TIAM2: variants seen among roughly 807,000 people sequenced by gnomAD.
The protein encoded by TIAM2 is rho guanine nucleotide exchange factor TIAM2.
Under a neutral mutation model 152.9 loss-of-function variants are expected in TIAM2, and 80 were observed. That is an observed-to-expected ratio of 0.52 (90% confidence interval 0.44 to 0.63). The LOEUF is 0.63. TIAM2 is among the 30% of genes least tolerant of loss of function. The probability of loss-of-function intolerance (pLI) is 0.00; values close to 1 mark genes in which losing one functional copy is unlikely to be tolerated. For synonymous variants in TIAM2, 804 were observed against 838.0 expected (o/e 0.96, Z 0.70); for missense variants, 1,965 against 2,120.1 (o/e 0.93, Z 1.44).
intron 16 of TIAM2, among the ~76,000 whole-genome samples, chr6:155,243,682 A>G (rs1439646454): frequency 6.6e-6 from 1 of 151,802 alleles, no homozygotes; most frequent in Non-Finnish European, 1.5e-5. Context: ...CCCTGCCCCT[A>G]CTAAAAATAC....
In TIAM2 at chr6:155,008,080, A is replaced by C. The variant is rs74351515; in HGVS notation, c.-209+12588A>C. Among the ~76,000 whole-genome samples, 823 of 152,328 alleles carry C rather than the reference A, an allele frequency of 5.4e-3. 11 individuals carry two copies. Among genetic ancestry groups the C allele is most frequent in the African/African-American group, 0.018 (752 of 41,552 alleles). ...GTACATATGTAATTGTCGACCTTAA[A>C]TAATACATCATATGGCTTTTTCCAT... On this transcript the variant is annotated intron_variant, in intron 1 of 26. Coordinates refer to ENST00000682666, the MANE Select transcript of TIAM2 (RefSeq NM_012454.4).
At chr6:155,157,307 C>T (rs1780144842) in intron 7 of TIAM2, among the ~76,000 whole-genome samples, 1 of 152,164 alleles carries the variant, frequency 6.6e-6, no homozygotes, top group Non-Finnish European at 1.5e-5. Context: ...TGCTCCCCTT[C>T]CTTGTTTTAT....
At chr6:155,250,128 T>C (rs555281888) in intron 21 of TIAM2, among the ~76,000 whole-genome samples, 159 bp downstream of exon 21, 2 of 152,172 alleles carry the variant, frequency 1.3e-5, no homozygotes, top group African/African-American at 4.8e-5. Flanking sequence ...AATTTACATA[T>C]AGACATATCA....
At position 155,254,407 on chromosome 6, in the gene TIAM2, C is replaced by A. The variant is rs773621969; in HGVS notation, c.4314-12C>A. ...TGGACACTTCTGCTGTTTTCTCTCCCCCCCCACCCAGTGACAGTGAAAGCA... is the reference window on the plus strand; with the variant it reads ...TGGACACTTCTGCTGTTTTCTCTCCACCCCCACCCAGTGACAGTGAAAGCA... On this transcript the variant is annotated splice_polypyrimidine_tract_variant and intron_variant, in intron 25 of 26. Coordinates refer to ENST00000682666, the MANE Select transcript of TIAM2 (RefSeq NM_012454.4). 4.3e-6 allele frequency: 7 copies of A among 1,609,896 alleles called. No homozygotes were observed. In the South Asian group the frequency reaches 6.6e-5, roughly 15 times the overall value.
chr6:155,188,987 C>T (rs1007595267), intron 14 of TIAM2, among the ~76,000 whole-genome samples: 1 of 152,112 alleles, frequency 6.6e-6, no homozygotes. Flanking sequence ...GCCTCCACGC[C>T]CCCTTTGAAT....
At chr6:155,164,628 C>T (rs1780371449) in intron 8 of TIAM2, 28 bp downstream of exon 8, 2 of 1,589,508 alleles carry the variant, frequency 1.3e-6, no homozygotes, top group Non-Finnish European at 1.7e-6. Context: ...GCTGTTTCTG[C>T]AGCATTCGGG....
At chr6:155,154,543 A>T (rs1366012259) in intron 7 of TIAM2, among the ~76,000 whole-genome samples, 1 of 152,156 alleles carries the variant, frequency 6.6e-6, no homozygotes, top group Non-Finnish European at 1.5e-5. Context: ...TGAAGTTCCC[A>T]GGGAGGAAGA....
intron 1 of TIAM2, among the ~76,000 whole-genome samples, chr6:154,997,629 ATTTTTTTT>A (rs57280691): frequency 0.024 from 1,522 of 62,170 alleles, 25 homozygotes; most frequent in African/African-American, 0.051. Context: ...GAAAGAATGG[ATTTTTTTT>A]TTTTTTTTTT....
Position 155,256,996 on chromosome 6 carries a change from A to T in TIAM2, c.4981A>T (p.Ser1661Cys). 1.2e-6 allele frequency: 2 copies of T among 1,614,208 alleles called. No individual in the cohort carries two copies. The highest frequency in any genetic ancestry group is 2.2e-5 in the East Asian group (1 of 44,886). ...KAQIRHQSLDSQSENATIDLN... is the reference protein window; with the variant it reads ...KAQIRHQSLDCQSENATIDLN... The stretch of plus-strand genomic sequence containing the variant: ...GCAGATCCGTCACCAGTCCCTTGAC[A>T]GTCAGTCTGAAAATGCCACCATCGA... Residue 1661 changes from serine (S) to cysteine (C), a missense_variant, in exon 27 of 27, where the codon AGT becomes TGT. Ser to Cys is a moderately radical substitution (Grantham distance 112). This residue lies in a region of TIAM2 where 935 missense variants were observed against 980.0 expected (regional missense o/e 0.95). Transcript: ENST00000682666.
intron 26 of TIAM2, 33 bp downstream of exon 26, chr6:155,254,606 C>T (rs369672839): frequency 6.2e-6 from 10 of 1,601,312 alleles, no homozygotes; most frequent in Non-Finnish European, 8.6e-6. Context: ...GTTTATTCAA[C>T]AAAATATTAT....
chr6:155,161,774 C>T lies in TIAM2; in HGVS notation c.2029-2641C>T, dbSNP rs1408499704. Among the ~76,000 whole-genome samples, 4 of 151,000 alleles carry T rather than the reference C, an allele frequency of 2.6e-5. No individual in the cohort carries two copies. In the South Asian group the frequency reaches 6.3e-4, roughly 24 times the overall value. On this transcript the variant is annotated intron_variant, in intron 7 of 26. Coordinates refer to ENST00000682666, the MANE Select transcript of TIAM2 (RefSeq NM_012454.4). ...TGTATTTTTAGTAGAGATGGGGTTTCACCATGTTGGTCAGGCTGGTCTTGA... is the reference window on the plus strand; with the variant it reads ...TGTATTTTTAGTAGAGATGGGGTTTTACCATGTTGGTCAGGCTGGTCTTGA...
At chr6:155,110,318 C>CTTTTTTTTTTTTTTTT (rs67332964) in intron 2 of TIAM2, among the ~76,000 whole-genome samples, 6 of 133,796 alleles carry the variant, frequency 4.5e-5, no homozygotes, top group African/African-American at 1.4e-4. Context: ...TCTTTCTTTT[C>CTTTTTTTTTTTTTTTT]TTTTTTTTTT....
At chr6:155,033,523 G>A (rs1776861579) in intron 1 of TIAM2, among the ~76,000 whole-genome samples, 1 of 152,026 alleles carries the variant, frequency 6.6e-6, no homozygotes, top group Non-Finnish European at 1.5e-5. Flanking sequence ...TAAAACTCAA[G>A]AATAGAAAGG....
At chr6:155,003,012 T>C (rs919610817) in intron 1 of TIAM2, among the ~76,000 whole-genome samples, 1 of 152,248 alleles carries the variant, frequency 6.6e-6, no homozygotes. Context: ...TTTATTTTTG[T>C]ACCACTTTTA....
intron 14 of TIAM2, among the ~76,000 whole-genome samples, chr6:155,199,593 T>G (rs920673427): frequency 6.6e-6 from 1 of 152,206 alleles, no homozygotes; most frequent in Non-Finnish European, 1.5e-5. Flanking sequence ...AGTTTAAAAT[T>G]TTTTCCTTCT....
intron 1 of TIAM2, among the ~76,000 whole-genome samples, chr6:155,012,425 G>T (rs1288044610): frequency 6.6e-6 from 1 of 151,710 alleles, no homozygotes; most frequent in Non-Finnish European, 1.5e-5. Flanking sequence ...GTGGAGTGAG[G>T]TTTAAAAACA....
chr6:155,125,270 C>CA (rs1251949980), intron 2 of TIAM2, among the ~76,000 whole-genome samples: 2 of 150,612 alleles, frequency 1.3e-5, no homozygotes, highest in African/African-American at 2.4e-5. Flanking sequence ...GACTCTGTCT[C>CA]AAAAAAAATA....
intron 1 of TIAM2, among the ~76,000 whole-genome samples, chr6:155,072,639 A>G (rs761386968): frequency 1.3e-4 from 20 of 152,138 alleles, no homozygotes; most frequent in Non-Finnish European, 2.8e-4. Context: ...TACATCTGGT[A>G]GGTGGGTAAG....
Position 155,153,621 on chromosome 6 carries a change from C to CTTTTTTTT in TIAM2, c.2028+5300_2028+5307dup. On this transcript the variant is annotated intron_variant, in intron 7 of 26. Coordinates refer to ENST00000682666, the MANE Select transcript of TIAM2 (RefSeq NM_012454.4). Reference sequence around the variant, plus strand: ...GCAGGTTGTAAAGGAGCTGTTTACGCTTTTTTTTTTTTTTTTTTTTGACAG... The same window carrying CTTTTTTTT: ...GCAGGTTGTAAAGGAGCTGTTTACGCTTTTTTTTTTTTTTTTTTTTTTTTTTTTGACAG... Among the ~76,000 whole-genome samples the CTTTTTTTT allele has an allele frequency of 1.9e-5, 2 of 105,308 alleles. 1 individual carries two copies. The highest frequency in any genetic ancestry group is 3.6e-5 in the Non-Finnish European group (2 of 55,266). The allele number at this position is 105,308 out of a possible 152,430, so 69.1% of individuals were successfully genotyped here.
Sources: allele counts gnomAD v4.1 joint callset (sites outside exome capture counted in the v4.1 genomes callset), GRCh38; gene constraint gnomAD v4.1.1; regional missense constraint gnomAD v4.1.1; transcripts MANE v1.5; gene names NCBI Gene and HGNC (gene_info 2026-07-23, HGNC 2026-07-21).